GUCY1A2: variants seen among roughly 807,000 people sequenced by gnomAD.
GUCY1A2 encodes the protein guanylate cyclase 1 soluble subunit alpha 2.
GUCY1A2 carries 27 observed loss-of-function variants against 63.5 expected under a neutral mutation model. The ratio of observed to expected loss-of-function variants is 0.43; its 90% confidence interval spans 0.31 to 0.59. The LOEUF is 0.59. GUCY1A2 is among the 20% of genes least tolerant of loss of function. The pLI, the probability that GUCY1A2 is intolerant of heterozygous loss-of-function variation, is 0.11. For missense variants in GUCY1A2, 768 were observed against 913.3 expected, an observed-to-expected ratio of 0.84 and a Z score of 2.05; for synonymous variants, 364 against 343.5, an observed-to-expected ratio of 1.06 and a Z score of -0.66.
intron 3 of GUCY1A2, among the ~76,000 whole-genome samples, chr11:106,955,603 T>C (rs955184032): frequency 6.6e-6 from 1 of 152,120 alleles, no homozygotes; most frequent in African/African-American, 2.4e-5. Flanking sequence ...TTGAAAATTA[T>C]TTAAGATATT....
chr11:106,706,364 TG>T (rs1326325417), intron 7 of GUCY1A2, among the ~76,000 whole-genome samples: 1 of 152,112 alleles, frequency 6.6e-6, no homozygotes, highest in Non-Finnish European at 1.5e-5. Context: ...TGTTTGATTT[TG>T]GGGGGCCTGG....
At chr11:106,716,727 C>G (rs1863220737) in intron 6 of GUCY1A2, among the ~76,000 whole-genome samples, 1 of 139,234 alleles carries the variant, frequency 7.2e-6, no homozygotes, top group Non-Finnish European at 1.5e-5. Context: ...CGAGATCACG[C>G]TACTGCACTC....
At chr11:107,010,000 T>A (rs1243188712) in intron 1 of GUCY1A2, among the ~76,000 whole-genome samples, 3 of 152,150 alleles carry the variant, frequency 2.0e-5, no homozygotes, top group Non-Finnish European at 4.4e-5. Context: ...ATTCTAACAA[T>A]TTTCCTCAGG....
chr11:106,796,317 A>T (rs1864759331), intron 5 of GUCY1A2, among the ~76,000 whole-genome samples: 2 of 152,090 alleles, frequency 1.3e-5, no homozygotes, highest in South Asian at 4.1e-4. Context: ...TTTAAGGTTA[A>T]TATTGTTATG....
At chr11:106,713,636 A>G (rs1863164068) in intron 6 of GUCY1A2, among the ~76,000 whole-genome samples, 1 of 149,668 alleles carries the variant, frequency 6.7e-6, no homozygotes, top group African/African-American at 2.5e-5. Flanking sequence ...CCTTCCGAGT[A>G]GCTGGGACTA....
intron 6 of GUCY1A2, among the ~76,000 whole-genome samples, chr11:106,710,935 T>C (rs759305451): frequency 4.6e-5 from 7 of 152,038 alleles, no homozygotes; most frequent in Non-Finnish European, 1.0e-4. Flanking sequence ...AACCCTTGTA[T>C]TGGGGCTGGA....
intron 4 of GUCY1A2, chr11:106,827,751 A>G (rs1858991198): frequency 2.0e-6 from 3 of 1,522,010 alleles, no homozygotes; most frequent in East Asian, 2.2e-5. Flanking sequence ...AACTGCTTTC[A>G]TAACAGGAGA....
chr11:106,827,266 C>A, intron 4 of GUCY1A2: 2 of 1,551,788 alleles, frequency 1.3e-6, no homozygotes, highest in Non-Finnish European at 1.8e-6. Context: ...ATATCTGGTT[C>A]TTTTATATGC....
In GUCY1A2 at chr11:106,682,448, C is replaced by G. The variant is rs554394161; in HGVS notation, c.*5101G>C. ...CAAATCTCTGAAGGTAAAGACTAGT[C>G]TTCTGTATTCCTAAAACTCCCTACG... On this transcript the variant is annotated 3_prime_UTR_variant, in exon 8 of 8. Transcript: ENST00000526355. 4.8e-6 allele frequency: 1 copy of G among 209,768 alleles called. No homozygotes were observed. Among genetic ancestry groups the G allele is most frequent in the African/African-American group, 2.3e-5 (1 of 44,058 alleles). 13.0% of individuals were successfully genotyped at this position (209,768 alleles called of 1,614,324 possible). A position where few individuals can be genotyped will look rare whatever the true frequency, so the allele number is the denominator to read the frequency against.
intron 4 of GUCY1A2, among the ~76,000 whole-genome samples, chr11:106,883,380 T>TATTC (rs528986535): frequency 3.6e-4 from 55 of 152,212 alleles, no homozygotes; most frequent in African/African-American, 1.1e-3. Flanking sequence ...TATGATAATG[T>TATTC]ATTCATTCAT....
intron 7 of GUCY1A2, among the ~76,000 whole-genome samples, chr11:106,705,956 T>C (rs1452985452): frequency 6.6e-6 from 1 of 152,216 alleles, no homozygotes; most frequent in Non-Finnish European, 1.5e-5. Flanking sequence ...AGAAAATGTT[T>C]TGTTCATTTT....
At chr11:106,867,258 G>A (rs565116421) in intron 4 of GUCY1A2, among the ~76,000 whole-genome samples, 2 of 152,088 alleles carry the variant, frequency 1.3e-5, no homozygotes, top group South Asian at 4.1e-4. Flanking sequence ...ACACTACACA[G>A]GGAAATAAAA....
Position 106,687,222 on chromosome 11 carries a change from T to C in GUCY1A2, c.*327A>G. The C allele has an allele frequency of 7.0e-6, 2 of 286,150 alleles. No homozygotes were observed. The highest frequency in any genetic ancestry group is 1.0e-4 in the East Asian group (2 of 19,318). The allele number at this position is 286,150 out of a possible 1,614,324, so 17.7% of individuals were successfully genotyped here. ...GGTACAAATATATAGGGAAAGATAC[T>C]TGTATGTGTGATAAACAAGAAAACA... On this transcript the variant is annotated 3_prime_UTR_variant, in exon 8 of 8. Transcript: ENST00000526355.
At chr11:106,816,164 CT>C (rs1415923110) in intron 4 of GUCY1A2, among the ~76,000 whole-genome samples, 6 of 85,926 alleles carry the variant, frequency 7.0e-5, no homozygotes, top group Admixed American at 1.3e-4. Context: ...AATACTCTTT[CT>C]TTAAAAAAAA....
chr11:106,865,378 T>C (rs981266243), intron 4 of GUCY1A2, among the ~76,000 whole-genome samples: 10 of 152,062 alleles, frequency 6.6e-5, no homozygotes, highest in African/African-American at 2.4e-4. Context: ...TGTGTCTCTA[T>C]CTCCTTCAGT....
At chr11:106,773,547 G>A (rs1864296730) in intron 6 of GUCY1A2, among the ~76,000 whole-genome samples, 1 of 152,166 alleles carries the variant, frequency 6.6e-6, no homozygotes, top group African/African-American at 2.4e-5. Context: ...TCTAGGAGAG[G>A]AAATGCTGGG....
At chr11:106,919,378 A>G (rs1860411420) in intron 4 of GUCY1A2, among the ~76,000 whole-genome samples, 1 of 152,178 alleles carries the variant, frequency 6.6e-6, no homozygotes, top group Admixed American at 6.6e-5. Context: ...TTTAGATGTT[A>G]CCATAATAAC....
At chr11:106,716,773 A>C (rs975059277) in intron 6 of GUCY1A2, among the ~76,000 whole-genome samples, 4 of 143,448 alleles carry the variant, frequency 2.8e-5, no homozygotes, top group Admixed American at 1.4e-4. Flanking sequence ...CGTCTCAAAA[A>C]AAAAAAAAAA....
chr11:106,775,114 C>T (rs1392363616), intron 6 of GUCY1A2, among the ~76,000 whole-genome samples: 1 of 151,898 alleles, frequency 6.6e-6, no homozygotes, highest in Non-Finnish European at 1.5e-5. Flanking sequence ...GTTTTAATAA[C>T]CTTTATCTTC....
Sources: allele counts gnomAD v4.1 joint callset (sites outside exome capture counted in the v4.1 genomes callset), GRCh38; gene constraint gnomAD v4.1.1; transcripts MANE v1.5; gene names NCBI Gene and HGNC (gene_info 2026-07-23, HGNC 2026-07-21).